OCA2: variants seen among roughly 807,000 people sequenced by gnomAD.
The protein encoded by OCA2 is P protein.
Under a neutral mutation model 100.2 loss-of-function variants are expected in OCA2, and 77 were observed. The ratio of observed to expected loss-of-function variants is 0.77; its 90% confidence interval spans 0.64 to 0.93. OCA2 has a LOEUF of 0.93. Among genes scored for constraint, OCA2 ranks in the 40% least tolerant of loss-of-function variants. The pLI, the probability that OCA2 is intolerant of heterozygous loss-of-function variation, is 0.00. For missense variants in OCA2, 1,062 were observed against 1,089.1 expected (o/e 0.98, Z 0.35); for synonymous variants, 432 against 439.2 (o/e 0.98, Z 0.21).
chr15:27,990,764 A>G (rs1488959617), intron 9 of OCA2, 117 bp from the exon 10 acceptor site: 5 of 865,774 alleles, frequency 5.8e-6, no homozygotes, highest in Admixed American at 1.8e-5. Flanking sequence ...ATCTATTCAA[A>G]TGATAAGTCA....
At chr15:28,021,739 C>T (rs1197661797) in intron 6 of OCA2, among the ~76,000 whole-genome samples, 1 of 152,166 alleles carries the variant, frequency 6.6e-6, no homozygotes, top group Admixed American at 6.5e-5. Context: ...CCTTCATTTG[C>T]TTGGGAAGCG....
the OCA2 span, among the ~76,000 whole-genome samples, chr15:27,733,496 C>G: frequency 2.0e-5 from 3 of 152,074 alleles, no homozygotes; most frequent in African/African-American, 7.2e-5. Context: ...CTCATGTTGC[C>G]CACCCTTCCT....
chr15:27,814,945 T>TAGATGGAG (rs71132822), intron 23 of OCA2, among the ~76,000 whole-genome samples: 1 of 107,352 alleles, frequency 9.3e-6, no homozygotes, highest in Non-Finnish European at 2.1e-5. Flanking sequence ...GATAGATAGA[T>TAGATGGAG]ACAGAGATAT....
At chr15:28,096,241 G>A (rs2044979750) in intron 1 of OCA2, among the ~76,000 whole-genome samples, 1 of 151,256 alleles carries the variant, frequency 6.6e-6, no homozygotes, top group African/African-American at 2.4e-5. Flanking sequence ...GTGTCTCCTG[G>A]GGCGTGGTCG....
chr15:27,782,380 A>G (rs888113709), intron 23 of OCA2, among the ~76,000 whole-genome samples: 7 of 152,234 alleles, frequency 4.6e-5, no homozygotes, highest in Admixed American at 4.6e-4. Context: ...TCCCAACAGA[A>G]CTTCACTGAG....
intron 21 of OCA2, among the ~76,000 whole-genome samples, chr15:27,868,753 GTA>G (rs2036426813): frequency 2.0e-5 from 3 of 152,202 alleles, no homozygotes; most frequent in African/African-American, 7.2e-5. Context: ...ATAAGCACAT[GTA>G]TGGAGATGAT....
chr15:28,078,592 C>T (rs751028457), intron 2 of OCA2, among the ~76,000 whole-genome samples: 2 of 152,178 alleles, frequency 1.3e-5, no homozygotes, highest in African/African-American at 2.4e-5. Context: ...GAACCACACC[C>T]GGCCAACAAC....
At chr15:27,851,528 G>T in intron 21 of OCA2, 53 bp from the exon 22 acceptor site, 1 of 1,401,776 alleles carries the variant, frequency 7.1e-7, no homozygotes, top group South Asian at 1.2e-5. Context: ...CAGAGAAGCT[G>T]CCATACTGTG....
chr15:27,750,241 G>A (rs2030021784), downstream of OCA2, among the ~76,000 whole-genome samples: 1 of 152,132 alleles, frequency 6.6e-6, no homozygotes, highest in Non-Finnish European at 1.5e-5. Flanking sequence ...GAAGTAGAAC[G>A]TCTCCTTCAA....
At chr15:27,970,718 G>T (rs1300702463) in intron 14 of OCA2, among the ~76,000 whole-genome samples, 1 of 150,826 alleles carries the variant, frequency 6.6e-6, no homozygotes, top group Non-Finnish European at 1.5e-5. Context: ...CTGGGAAAAC[G>T]TGAAAAACAT....
At chr15:27,744,933 A>G in the OCA2 span, among the ~76,000 whole-genome samples, 1 of 120,872 alleles carries the variant, frequency 8.3e-6, no homozygotes, top group Admixed American at 8.3e-5. Flanking sequence ...GACAGAGCAG[A>G]CCCTTTGTAG....
At chr15:27,772,906 G>C (rs1420577829) in intron 23 of OCA2, among the ~76,000 whole-genome samples, 1 of 151,600 alleles carries the variant, frequency 6.6e-6, no homozygotes, top group South Asian at 2.1e-4. Flanking sequence ...AATGCTCAGA[G>C]ACAGATAGTG....
At chr15:28,003,461 C>T (rs772748652) in intron 9 of OCA2, among the ~76,000 whole-genome samples, 2 of 152,150 alleles carry the variant, frequency 1.3e-5, no homozygotes, top group African/African-American at 2.4e-5. Flanking sequence ...GCCCCACGCG[C>T]GCTGCCGCGT....
chr15:28,003,250 G>A (rs1348830402), intron 9 of OCA2, among the ~76,000 whole-genome samples: 1 of 152,258 alleles, frequency 6.6e-6, no homozygotes, highest in Non-Finnish European at 1.5e-5. Flanking sequence ...AATAGCCTGT[G>A]AGCTGCCAAC....
At chr15:27,905,056 C>A (rs1446939991) in intron 19 of OCA2, among the ~76,000 whole-genome samples, 2 of 150,820 alleles carry the variant, frequency 1.3e-5, no homozygotes, top group Non-Finnish European at 1.5e-5. Flanking sequence ...CCCAACTACT[C>A]GGGAGGCTGA....
chr15:28,041,357 G>A (rs1302787798), intron 2 of OCA2, among the ~76,000 whole-genome samples: 1 of 150,948 alleles, frequency 6.6e-6, no homozygotes, highest in African/African-American at 2.4e-5. Context: ...AGCAAACTAG[G>A]AATAGAAGGA....
intron 1 of OCA2, among the ~76,000 whole-genome samples, chr15:28,094,536 G>GA (rs1281716673): frequency 6.6e-6 from 1 of 151,762 alleles, no homozygotes; most frequent in African/African-American, 2.4e-5. Context: ...ATTTTAGAAA[G>GA]AAAAAATAGA....
At chr15:28,007,601 G>A (rs186102455) in intron 9 of OCA2, among the ~76,000 whole-genome samples, 136 of 152,028 alleles carry the variant, frequency 8.9e-4, no homozygotes, top group African/African-American at 3.3e-3. Flanking sequence ...GTGGTGTCTC[G>A]CACCTGTAAT....
chr15:28,032,276 A>G (rs1413771913), intron 2 of OCA2, 113 bp from the exon 3 acceptor site: 3 of 878,476 alleles, frequency 3.4e-6, no homozygotes, highest in Non-Finnish European at 5.7e-6. Flanking sequence ...TAAATCTTAC[A>G]AGGAAATTTG....
Sources: allele counts gnomAD v4.1 joint callset (sites outside exome capture counted in the v4.1 genomes callset), GRCh38; gene constraint gnomAD v4.1.1; transcripts MANE v1.5; gene names NCBI Gene and HGNC (gene_info 2026-07-23, HGNC 2026-07-21).